SHOC2: variants seen among roughly 807,000 people sequenced by gnomAD.
SHOC2 encodes SHOC2 leucine rich repeat scaffold protein, also known as leucine-rich repeat protein SHOC-2.
Under a neutral mutation model 50.2 loss-of-function variants are expected in SHOC2, and 4 were observed. The ratio of observed to expected loss-of-function variants is 0.08; its 90% CI spans 0.04 to 0.18. The LOEUF is 0.18. Among genes scored for constraint, SHOC2 ranks in the 10% least tolerant of loss-of-function variants. The pLI, the probability that SHOC2 is intolerant of heterozygous loss-of-function variation, is 1.00. For synonymous variants in SHOC2, 218 were observed against 244.5 expected, an observed-to-expected ratio of 0.89 and a Z score of 1.01; for missense variants, 388 against 669.6, an observed-to-expected ratio of 0.58 and a Z score of 4.64.
Position 110,985,715 on chromosome 10 carries a change from C to T in SHOC2, c.791C>T (p.Thr264Ile). 5 of 1,612,888 alleles carry T rather than the reference C, an allele frequency of 3.1e-6. No homozygotes were observed. The highest frequency in any genetic ancestry group is 4.2e-6 in the Non-Finnish European group (5 of 1,179,534). ...GAGATTGGAAACTGTACACAGATAA[C>T]CAACCTTGACTTGCAGCACAATGAA... The part of the protein sequence containing the change: ...PKEIGNCTQI[T>I]NLDLQHNELL... The change falls in exon 3 of 9, where the codon ACC becomes ATC. Residue 264 changes from threonine to isoleucine, a missense_variant. Thr to Ile is a moderately conservative substitution (Grantham distance 89, BLOSUM62 -1). This residue lies in a region of SHOC2 where 88 missense variants were observed against 147.2 expected (regional missense o/e 0.60). Transcript: ENST00000369452.
intron 1 of SHOC2, among the ~76,000 whole-genome samples, chr10:110,957,394 T>G (rs1847484523): frequency 1.3e-5 from 2 of 152,204 alleles, no homozygotes; most frequent in Non-Finnish European, 2.9e-5. Context: ...CTTTTTAGCT[T>G]TTTAATGCTC....
intron 1 of SHOC2, among the ~76,000 whole-genome samples, chr10:110,933,962 T>C (rs2134080297): frequency 6.6e-6 from 1 of 152,326 alleles, no homozygotes; most frequent in African/African-American, 2.4e-5. Context: ...TTAAGCACGA[T>C]GTAGCTATTA....
upstream of SHOC2, chr10:110,919,543 G>GGGGCC (rs1179667175): frequency 3.1e-5 from 12 of 384,258 alleles, no homozygotes; most frequent in Non-Finnish European, 4.5e-5. Context: ...GGGGCGGGGC[G>GGGGCC]AGTGGGGGAG....
intron 1 of SHOC2, among the ~76,000 whole-genome samples, chr10:110,930,853 C>G (rs1456627582): frequency 6.8e-6 from 1 of 146,400 alleles, no homozygotes; most frequent in East Asian, 2.1e-4. Context: ...TTTAAATCCC[C>G]TCTTCCCTAT....
chr10:110,940,957 G>T (rs1451960245), intron 1 of SHOC2, among the ~76,000 whole-genome samples: 1 of 128,118 alleles, frequency 7.8e-6, no homozygotes, highest in Non-Finnish European at 1.6e-5. Context: ...TTGTGACAGG[G>T]TCTAGCTCTG....
At chr10:110,932,100 T>C (rs1846906566) in intron 1 of SHOC2, among the ~76,000 whole-genome samples, 1 of 152,136 alleles carries the variant, frequency 6.6e-6, no homozygotes, top group African/African-American at 2.4e-5. Flanking sequence ...CAGTGAAGAA[T>C]TGTAAATCTG....
chr10:111,007,169 T>C (rs1848484622), intron 5 of SHOC2, among the ~76,000 whole-genome samples: 2 of 152,206 alleles, frequency 1.3e-5, no homozygotes, highest in African/African-American at 4.8e-5. Context: ...TTCATATCTT[T>C]ATTTGAGCAT....
At chr10:110,941,476 T>TC (rs1847143941) in intron 1 of SHOC2, among the ~76,000 whole-genome samples, 1 of 151,886 alleles carries the variant, frequency 6.6e-6, no homozygotes, top group African/African-American at 2.4e-5. Context: ...GGATTACAGG[T>TC]ATGTGCCACC....
chr10:110,991,248 C>T (rs1564724675), intron 3 of SHOC2, among the ~76,000 whole-genome samples: 1 of 152,088 alleles, frequency 6.6e-6, no homozygotes, highest in Non-Finnish European at 1.5e-5. Context: ...ATATATGATA[C>T]AGTCTTCTAG....
intron 1 of SHOC2, among the ~76,000 whole-genome samples, chr10:110,953,182 A>G (rs1847391091): frequency 6.6e-6 from 1 of 152,200 alleles, no homozygotes; most frequent in African/African-American, 2.4e-5. Flanking sequence ...CATTCCCACC[A>G]GCAGTTTAAA....
chr10:110,923,666 T>C (rs1846698865), intron 1 of SHOC2, among the ~76,000 whole-genome samples: 2 of 127,968 alleles, frequency 1.6e-5, no homozygotes, highest in Non-Finnish European at 3.7e-5. Flanking sequence ...TGCTCTAAAA[T>C]GTAAGGATTC....
intron 2 of SHOC2, among the ~76,000 whole-genome samples, chr10:110,975,438 G>C (rs181992775): frequency 2.6e-5 from 4 of 152,156 alleles, no homozygotes; most frequent in Admixed American, 1.3e-4. Context: ...CACTGCGCCC[G>C]GCCTATGTTA....
At chr10:110,939,542 C>T (rs1351352751) in intron 1 of SHOC2, among the ~76,000 whole-genome samples, 1 of 152,120 alleles carries the variant, frequency 6.6e-6, no homozygotes, top group East Asian at 1.9e-4. Context: ...GGTATCTCCA[C>T]TTAACATGAG....
intron 1 of SHOC2, chr10:110,919,875 C>T (rs1436281421): frequency 3.1e-5 from 11 of 357,988 alleles, no homozygotes; most frequent in African/African-American, 1.1e-4. Flanking sequence ...AGTGCGGGGC[C>T]CTTGGAGCCG....
chr10:110,996,311 T>G (rs1848266592), intron 3 of SHOC2, among the ~76,000 whole-genome samples: 1 of 152,162 alleles, frequency 6.6e-6, no homozygotes, highest in African/African-American at 2.4e-5. Context: ...AGTGGATCAC[T>G]TTAGCATAGA....
intron 3 of SHOC2, 73 bp downstream of exon 3, chr10:110,985,838 A>G (rs1305532916): frequency 1.5e-6 from 2 of 1,313,842 alleles, no homozygotes; most frequent in Non-Finnish European, 2.2e-6. Flanking sequence ...TTTTTGATCC[A>G]TTTGGTAATG....
intron 4 of SHOC2, 111 bp from the exon 5 acceptor site, chr10:111,004,495 C>G (rs1848433802): frequency 1.3e-6 from 1 of 756,408 alleles, no homozygotes; most frequent in African/African-American, 1.7e-5. Flanking sequence ...CAGTCTCTGT[C>G]ATTTGTCACC....
At chr10:110,974,666 C>T (rs1004984036) in intron 2 of SHOC2, among the ~76,000 whole-genome samples, 3 of 151,944 alleles carry the variant, frequency 2.0e-5, no homozygotes, top group South Asian at 2.1e-4. Context: ...ATCTTTGTGG[C>T]GTTTTTTTTA....
intron 3 of SHOC2, chr10:110,988,869 T>C (rs530943807): frequency 1.3e-5 from 6 of 459,532 alleles, no homozygotes; most frequent in South Asian, 9.4e-5. Context: ...TATGTTGTAT[T>C]TTCCTTTTAA....
Sources: allele counts gnomAD v4.1 joint callset (sites outside exome capture counted in the v4.1 genomes callset), GRCh38; gene constraint gnomAD v4.1.1; regional missense constraint gnomAD v4.1.1; transcripts MANE v1.5; gene names NCBI Gene and HGNC (gene_info 2026-07-23, HGNC 2026-07-21).